LIPC: variants seen among roughly 807,000 people sequenced by gnomAD.
LIPC encodes the protein lipase C, hepatic type.
In LIPC, 44 loss-of-function variants were observed where a neutral mutation model predicts 50.7. The observed-to-expected ratio is 0.87, with a 90% CI of 0.68 to 1.11. The LOEUF is 1.11. Ranked by LOEUF, LIPC falls within the 50% of genes most tolerant of loss-of-function variation. The pLI, the probability that LIPC is intolerant of heterozygous loss-of-function variation, is 0.00. For missense variants in LIPC, 697 were observed against 648.2 expected, an observed-to-expected ratio of 1.08 and a Z score of -0.82; for synonymous variants, 271 against 256.4, an observed-to-expected ratio of 1.06 and a Z score of -0.54.
At chr15:58,438,397 T>A (rs1893383193) in intron 1 of LIPC, among the ~76,000 whole-genome samples, 1 of 152,168 alleles carries the variant, frequency 6.6e-6, no homozygotes, top group Non-Finnish European at 1.5e-5. Flanking sequence ...TACTGTGCGC[T>A]GGCCCCCAGG....
At chr15:58,488,273 AAAGTT>A (rs1160688445) in intron 1 of LIPC, among the ~76,000 whole-genome samples, 2 of 152,230 alleles carry the variant, frequency 1.3e-5, no homozygotes, top group African/African-American at 4.8e-5. Context: ...CTCAATAAAT[AAAGTT>A]AAGAAGTTAG....
In LIPC at chr15:58,568,993, C is replaced by T. The variant is rs1257151291; in HGVS notation, c.*166C>T. 10 of 511,074 alleles carry T rather than the reference C, an allele frequency of 2.0e-5. No homozygotes were observed. Among genetic ancestry groups the T allele is most frequent in the South Asian group, 3.3e-5 (1 of 30,256 alleles). The allele number at this position is 511,074 out of a possible 1,614,324, so 31.7% of individuals were successfully genotyped here. The stretch of plus-strand genomic sequence containing the variant: ...CTCTCATAAACTGAGCTTTTAAAAA[C>T]GATATGATATAACTATTTTCCAGTA... On this transcript the variant is annotated 3_prime_UTR_variant, in exon 9 of 9. Transcript: ENST00000299022.
At chr15:58,447,479 A>C (rs1893740233) in intron 1 of LIPC, among the ~76,000 whole-genome samples, 1 of 152,182 alleles carries the variant, frequency 6.6e-6, no homozygotes, top group African/African-American at 2.4e-5. Flanking sequence ...AAGTCTTGTG[A>C]GTTTCTGTGG....
At chr15:58,447,106 G>A (rs557762126) in intron 1 of LIPC, among the ~76,000 whole-genome samples, 14 of 130,770 alleles carry the variant, frequency 1.1e-4, no homozygotes, top group African/African-American at 3.0e-4. Context: ...CCGAGATTGC[G>A]CCACTGCACC....
At chr15:58,517,850 C>T (rs1403438247) in intron 1 of LIPC, among the ~76,000 whole-genome samples, 4 of 152,198 alleles carry the variant, frequency 2.6e-5, no homozygotes, top group East Asian at 1.9e-4. Flanking sequence ...GAAAGGCAGG[C>T]GTCACAGCTC....
At chr15:58,508,397 C>T (rs965739280) in intron 1 of LIPC, among the ~76,000 whole-genome samples, 5 of 152,124 alleles carry the variant, frequency 3.3e-5, no homozygotes, top group Non-Finnish European at 7.4e-5. Context: ...TAGTCCAGTC[C>T]AGTTCCTCTC....
At chr15:58,536,713 G>A (rs1180793537) in intron 1 of LIPC, among the ~76,000 whole-genome samples, 1 of 152,152 alleles carries the variant, frequency 6.6e-6, no homozygotes, top group Non-Finnish European at 1.5e-5. Context: ...GAGAGCGGCA[G>A]AAATTTTCTT....
At chr15:58,456,553 G>A (rs549907000) in intron 1 of LIPC, among the ~76,000 whole-genome samples, 82 of 152,364 alleles carry the variant, frequency 5.4e-4, no homozygotes, top group Non-Finnish European at 9.8e-4. Context: ...GAGGTGCTGG[G>A]GGGTGAATAG....
chr15:58,525,758 C>T (rs879836237), intron 1 of LIPC, among the ~76,000 whole-genome samples: 1 of 152,194 alleles, frequency 6.6e-6, no homozygotes, highest in South Asian at 2.1e-4. Flanking sequence ...TCCCAGATAA[C>T]CTCAACATAA....
intron 8 of LIPC, chr15:58,565,035 C>A: frequency 4.6e-6 from 3 of 646,922 alleles, no homozygotes; most frequent in Non-Finnish European, 8.1e-6. Flanking sequence ...TCTTCCGTCA[C>A]CCCCTGGGTT....
At chr15:58,557,245 C>T (rs1273654931) in intron 6 of LIPC, among the ~76,000 whole-genome samples, 1 of 152,104 alleles carries the variant, frequency 6.6e-6, no homozygotes, top group African/African-American at 2.4e-5. Flanking sequence ...CCTTCAGTTT[C>T]CTCTTCTCTA....
At chr15:58,511,754 C>T (rs1296958376) in intron 1 of LIPC, among the ~76,000 whole-genome samples, 5 of 152,194 alleles carry the variant, frequency 3.3e-5, no homozygotes, top group Non-Finnish European at 7.3e-5. Context: ...AAGATTGCAT[C>T]ACAGTGTGGT....
chr15:58,562,351 G>A (rs1209811202), intron 7 of LIPC, among the ~76,000 whole-genome samples: 4 of 152,226 alleles, frequency 2.6e-5, no homozygotes, highest in African/African-American at 9.6e-5. Flanking sequence ...CGGAGCAGGT[G>A]TTCCCAAGAG....
chr15:58,518,893 T>C (rs921107236), intron 1 of LIPC, among the ~76,000 whole-genome samples: 2 of 150,644 alleles, frequency 1.3e-5, no homozygotes, highest in South Asian at 4.2e-4. Flanking sequence ...GTAAACATAA[T>C]AGACACTCAC....
At chr15:58,490,002 G>GA (rs753143237) in intron 1 of LIPC, among the ~76,000 whole-genome samples, 3 of 151,858 alleles carry the variant, frequency 2.0e-5, no homozygotes, top group Non-Finnish European at 2.9e-5. Flanking sequence ...ATACTGTGGG[G>GA]AAAAGAAAAA....
chr15:58,445,824 G>A (rs550991793), intron 1 of LIPC, among the ~76,000 whole-genome samples: 129 of 152,298 alleles, frequency 8.5e-4, no homozygotes, highest in Non-Finnish European at 1.5e-3. Flanking sequence ...ATGAGACCAC[G>A]TAAGTGAACG....
chr15:58,537,432 C>T (rs1441150112), intron 1 of LIPC, among the ~76,000 whole-genome samples: 1 of 152,200 alleles, frequency 6.6e-6, no homozygotes, highest in African/African-American at 2.4e-5. Flanking sequence ...TTTCCACCTC[C>T]CACGGCCTTG....
intron 1 of LIPC, among the ~76,000 whole-genome samples, chr15:58,498,475 A>C (rs1156279207): frequency 6.6e-6 from 1 of 152,170 alleles, no homozygotes; most frequent in Non-Finnish European, 1.5e-5. Flanking sequence ...TTTTTATTAT[A>C]AAGCAGATAT....
chr15:58,477,520 T>A (rs1310609997), intron 1 of LIPC, among the ~76,000 whole-genome samples: 1 of 152,126 alleles, frequency 6.6e-6, no homozygotes, highest in Non-Finnish European at 1.5e-5. Context: ...GGAGGGAAAA[T>A]ATTTGTCATG....
Sources: gnomAD v4.1 joint callset for allele counts (sites outside exome capture counted in the v4.1 genomes callset) on GRCh38, gnomAD v4.1.1 for gene constraint, MANE v1.5 for transcripts, NCBI Gene and HGNC (gene_info 2026-07-23, HGNC 2026-07-21) for gene names.